NCAM2: variants seen among roughly 807,000 people sequenced by gnomAD.
NCAM2 encodes neural cell adhesion molecule 2, also known as N-CAM-2.
In NCAM2, 30 loss-of-function variants were observed where a neutral mutation model predicts 98.1. The ratio of observed to expected loss-of-function variants is 0.31; its 90% CI spans 0.23 to 0.41. NCAM2 has a LOEUF of 0.41. Ranked by LOEUF, NCAM2 falls within the 10% of genes least tolerant of loss-of-function variation. The probability of loss-of-function intolerance (pLI) is 1.00; values close to 1 mark genes in which losing one functional copy is unlikely to be tolerated. For missense variants in NCAM2, 867 were observed against 1,005.8 expected (o/e 0.86, Z 1.87); for synonymous variants, 368 against 342.4 (o/e 1.07, Z -0.83).
At chr21:21,440,156 TG>T (rs1382011643) in intron 12 of NCAM2, among the ~76,000 whole-genome samples, 2 of 152,236 alleles carry the variant, frequency 1.3e-5, no homozygotes, top group Non-Finnish European at 2.9e-5. Context: ...TTAAAAAATG[TG>T]TCATTAAAAT....
chr21:21,434,264 A>G (rs1237684195), intron 12 of NCAM2, among the ~76,000 whole-genome samples: 1 of 152,242 alleles, frequency 6.6e-6, no homozygotes, highest in Non-Finnish European at 1.5e-5. Context: ...ATGAAGATAC[A>G]AAATGAGAGT....
At chr21:21,205,439 T>TA (rs2069403475) in intron 1 of NCAM2, among the ~76,000 whole-genome samples, 1 of 152,170 alleles carries the variant, frequency 6.6e-6, no homozygotes, top group East Asian at 1.9e-4. Context: ...TTATCTTTGT[T>TA]TAAGACCTGT....
intron 1 of NCAM2, among the ~76,000 whole-genome samples, chr21:21,176,486 A>G (rs996374860): frequency 6.6e-6 from 1 of 152,106 alleles, no homozygotes; most frequent in Non-Finnish European, 1.5e-5. Flanking sequence ...ATTCTTGCCT[A>G]GTATCAATCT....
At position 21,410,235 on chromosome 21, in the gene NCAM2, A is replaced by G. The variant is rs374475347; in HGVS notation, c.1196-39A>G. The G allele has an allele frequency of 5.4e-5, 62 of 1,138,672 alleles. No individual in the cohort carries two copies. The East Asian group carries it at 1.6e-3, about 29-fold the overall frequency. The allele number at this position is 1,138,672 out of a possible 1,614,324, so 70.5% of individuals were successfully genotyped here. A position where few individuals can be genotyped will look rare whatever the true frequency, so the allele number is the denominator to read the frequency against. ...CTACTTAAATGATTATTTAACTTAA[A>G]GAAAATGCCTATAATTATTTTATTA... On this transcript the variant is annotated intron_variant, in intron 9 of 17. Coordinates refer to ENST00000400546, the MANE Select transcript of NCAM2 (RefSeq NM_004540.5).
At chr21:21,010,480 C>G (rs762961854) in intron 1 of NCAM2, among the ~76,000 whole-genome samples, 7 of 152,042 alleles carry the variant, frequency 4.6e-5, no homozygotes, top group Non-Finnish European at 1.0e-4. Context: ...GCTTTCAAGT[C>G]CCTGTATCAT....
At chr21:21,134,576 ACTGT>A (rs535166813) in intron 1 of NCAM2, among the ~76,000 whole-genome samples, 1 of 152,226 alleles carries the variant, frequency 6.6e-6, no homozygotes, top group African/African-American at 2.4e-5. Flanking sequence ...GTGTCCTAAA[ACTGT>A]CTATCATTTT....
intron 14 of NCAM2, among the ~76,000 whole-genome samples, chr21:21,471,427 G>C (rs567911663): frequency 6.6e-6 from 1 of 151,764 alleles, no homozygotes; most frequent in Non-Finnish European, 1.5e-5. Context: ...TCATCTATTA[G>C]TTTCTCAAAC....
At chr21:21,414,963 T>TC (rs1049368280) in intron 10 of NCAM2, among the ~76,000 whole-genome samples, 1 of 146,566 alleles carries the variant, frequency 6.8e-6, no homozygotes, top group African/African-American at 2.5e-5. Context: ...TTTTTTTTTT[T>TC]CTCAGCACTA....
intron 1 of NCAM2, among the ~76,000 whole-genome samples, chr21:21,259,486 A>G (rs775846214): frequency 1.3e-4 from 20 of 151,248 alleles, no homozygotes; most frequent in Admixed American, 7.2e-4. Flanking sequence ...CCTCAACACA[A>G]TTTCCCTCTA....
intron 15 of NCAM2, among the ~76,000 whole-genome samples, chr21:21,489,225 A>G (rs558394160): frequency 2.4e-4 from 36 of 151,938 alleles, no homozygotes; most frequent in South Asian, 1.7e-3. Flanking sequence ...GAACTCCTGA[A>G]CCCAATTGAT....
At chr21:21,244,244 CCTT>C (rs941758067) in intron 1 of NCAM2, among the ~76,000 whole-genome samples, 1 of 151,986 alleles carries the variant, frequency 6.6e-6, no homozygotes, top group Non-Finnish European at 1.5e-5. Flanking sequence ...TAAAAGGAAA[CCTT>C]TTGTTGCTCC....
intron 8 of NCAM2, among the ~76,000 whole-genome samples, chr21:21,339,413 T>C (rs1475609597): frequency 6.6e-6 from 1 of 152,028 alleles, no homozygotes; most frequent in Middle Eastern, 3.2e-3. Context: ...TTAATTACTA[T>C]TATATTTCAC....
chr21:21,203,208 G>A (rs985573279), intron 1 of NCAM2, among the ~76,000 whole-genome samples: 2 of 152,186 alleles, frequency 1.3e-5, no homozygotes, highest in African/African-American at 4.8e-5. Flanking sequence ...GGACTCCCGT[G>A]TAAGAGGAAT....
chr21:21,480,223 T>C (rs233751), intron 15 of NCAM2, among the ~76,000 whole-genome samples: 84,982 of 151,574 alleles, frequency 0.56, 25,307 homozygotes, highest in African/African-American at 0.7. Context: ...AAAAATTAGC[T>C]GGGCGTACTG....
chr21:21,027,093 A>G (rs1328179611), intron 1 of NCAM2, among the ~76,000 whole-genome samples: 3 of 151,846 alleles, frequency 2.0e-5, no homozygotes, highest in Non-Finnish European at 4.4e-5. Context: ...CCTGACCTTA[A>G]ATGATTCACC....
chr21:21,370,913 T>C (rs552014875), intron 8 of NCAM2, among the ~76,000 whole-genome samples: 1 of 152,024 alleles, frequency 6.6e-6, no homozygotes, highest in South Asian at 2.1e-4. Flanking sequence ...TACATTCAAT[T>C]CCTATTTGTT....
chr21:21,527,487 A>G (rs2146406126), intron 16 of NCAM2, among the ~76,000 whole-genome samples: 1 of 152,328 alleles, frequency 6.6e-6, no homozygotes, highest in Non-Finnish European at 1.5e-5. Context: ...TGATGTATAC[A>G]AATAATTCTT....
intron 1 of NCAM2, among the ~76,000 whole-genome samples, chr21:21,122,820 A>G (rs551705404): frequency 6.6e-6 from 1 of 152,296 alleles, no homozygotes; most frequent in South Asian, 2.1e-4. Flanking sequence ...AGGCAAGTTA[A>G]CAGTCATCCA....
At chr21:21,514,154 A>G (rs1293763443) in intron 16 of NCAM2, among the ~76,000 whole-genome samples, 1 of 150,802 alleles carries the variant, frequency 6.6e-6, no homozygotes, top group Non-Finnish European at 1.5e-5. Flanking sequence ...TTATATTTAT[A>G]ATAAAATATT....
Sources: allele counts gnomAD v4.1 joint callset (sites outside exome capture counted in the v4.1 genomes callset), GRCh38; gene constraint gnomAD v4.1.1; transcripts MANE v1.5; gene names NCBI Gene and HGNC (gene_info 2026-07-23, HGNC 2026-07-21).